The following DOK6 variants were observed in gnomAD, a reference collection of about 807,000 sequenced individuals.
DOK6 encodes docking protein 6.
A neutral mutation model predicts 44.0 loss-of-function variants in DOK6; 22 were observed. The ratio of observed to expected loss-of-function variants is 0.50; its 90% CI spans 0.36 to 0.71. The LOEUF (loss-of-function observed/expected upper bound fraction) is 0.71, where lower values mean the gene tolerates loss of function less well. DOK6 is among the 30% of genes least tolerant of loss of function. The probability of loss-of-function intolerance (pLI) is 0.00; values close to 1 mark genes in which losing one functional copy is unlikely to be tolerated. For synonymous variants in DOK6, 166 were observed against 145.5 expected (o/e 1.14, Z -1.01); for missense variants, 340 against 416.4 (o/e 0.82, Z 1.60).
chr18:69,492,405 C>CTTATT (rs1419314432), intron 1 of DOK6, among the ~76,000 whole-genome samples: 2 of 151,876 alleles, frequency 1.3e-5, no homozygotes, highest in African/African-American at 2.4e-5. Context: ...TTTATTTTAT[C>CTTATT]TTATTTTATT....
At chr18:69,537,605 A>G (rs1394491476) in intron 1 of DOK6, among the ~76,000 whole-genome samples, 1 of 152,224 alleles carries the variant, frequency 6.6e-6, no homozygotes, top group Non-Finnish European at 1.5e-5. Flanking sequence ...AGAAAGACAT[A>G]TTGAGGAGAG....
intron 7 of DOK6, among the ~76,000 whole-genome samples, chr18:69,782,438 C>T (rs1019863033): frequency 6.6e-6 from 1 of 151,984 alleles, no homozygotes; most frequent in Admixed American, 6.6e-5. Context: ...GTCTCGATCT[C>T]CTGACCTCGT....
chr18:69,811,573 TATATCA>T lies in DOK6; in HGVS notation c.857-29669_857-29664del, dbSNP rs1189887376. Among the ~76,000 whole-genome samples, 33 of 14,156 alleles carry T rather than the reference TATATCA, an allele frequency of 2.3e-3. 3 individuals carry two copies. The highest frequency in any genetic ancestry group is 0.012 in the South Asian group (4 of 344). The allele number at this position is 14,156 out of a possible 152,430, so 9.3% of individuals were successfully genotyped here. A position where few individuals can be genotyped will look rare whatever the true frequency, so the allele number is the denominator to read the frequency against. ...ATATATATATATATATATATATATA[TATATCA>T]AAACACTACGTTGTACACAATCAAT... On this transcript the variant is annotated intron_variant, in intron 7 of 7. Transcript: ENST00000382713.
chr18:69,408,289 A>G (rs977579758), intron 1 of DOK6, among the ~76,000 whole-genome samples: 1 of 152,208 alleles, frequency 6.6e-6, no homozygotes, highest in East Asian at 1.9e-4. Flanking sequence ...CTCAATGCTA[A>G]GTTATTTAGA....
At chr18:69,603,791 A>G (rs1983933003) in intron 3 of DOK6, among the ~76,000 whole-genome samples, 1 of 151,556 alleles carries the variant, frequency 6.6e-6, no homozygotes, top group Non-Finnish European at 1.5e-5. Flanking sequence ...AAAAAAAAAA[A>G]AAAAAGGACA....
intron 3 of DOK6, 129 bp downstream of exon 3, chr18:69,599,627 G>A (rs138383756): frequency 1.5e-5 from 10 of 646,886 alleles, no homozygotes; most frequent in Admixed American, 6.4e-5. Context: ...AGAAGACTTC[G>A]TTCAGAAGCT....
At chr18:69,819,998 C>T (rs1260552220) in intron 7 of DOK6, among the ~76,000 whole-genome samples, 2 of 152,116 alleles carry the variant, frequency 1.3e-5, no homozygotes, top group African/African-American at 2.4e-5. Flanking sequence ...TGTGTTGGGC[C>T]ACATTCGTAG....
intron 4 of DOK6, among the ~76,000 whole-genome samples, chr18:69,697,611 C>T (rs1986417278): frequency 6.7e-6 from 1 of 150,274 alleles, no homozygotes. Context: ...AACTTGCAAA[C>T]TAATCTTATT....
intron 1 of DOK6, among the ~76,000 whole-genome samples, chr18:69,415,616 G>T (rs1978327580): frequency 6.6e-6 from 1 of 152,116 alleles, no homozygotes; most frequent in Admixed American, 6.6e-5. Context: ...AGTGCATGCA[G>T]ATAGCCGTAT....
At chr18:69,670,447 T>C (rs754599090) in intron 3 of DOK6, among the ~76,000 whole-genome samples, 14 of 152,066 alleles carry the variant, frequency 9.2e-5, no homozygotes, top group Admixed American at 2.6e-4. Context: ...ATAGCACCTC[T>C]TCCTCAAAAA....
intron 2 of DOK6, among the ~76,000 whole-genome samples, chr18:69,568,089 T>C (rs1983029154): frequency 6.6e-6 from 1 of 152,176 alleles, no homozygotes; most frequent in South Asian, 2.1e-4. Flanking sequence ...CTTCACCGTC[T>C]CTCTGGGCAC....
At chr18:69,817,718 G>A (rs145668005) in intron 7 of DOK6, among the ~76,000 whole-genome samples, 1 of 152,160 alleles carries the variant, frequency 6.6e-6, no homozygotes, top group Non-Finnish European at 1.5e-5. Flanking sequence ...CACATTGTGA[G>A]TGAAGGCTTC....
chr18:69,561,919 TA>T (rs1044003660), intron 1 of DOK6, among the ~76,000 whole-genome samples: 9 of 152,190 alleles, frequency 5.9e-5, no homozygotes, highest in Non-Finnish European at 7.4e-5. Context: ...GCTATATTTG[TA>T]AAAAAACAAT....
rs74258305 is a variant in DOK6 at position 69,531,874 on chromosome 18, C to T, written c.67-32613C>T. ...GTTATGGACTGAGTGTATTCCCCAC[C>T]GCCATTTGTTGAAGCCCTAATCCCC... On this transcript the variant is annotated intron_variant, in intron 1 of 7. Coordinates refer to ENST00000382713, the MANE Select transcript of DOK6 (RefSeq NM_152721.6). 6.4e-4 allele frequency among the ~76,000 whole-genome samples: 97 copies of T among 152,166 alleles called. No individual in the cohort carries two copies. The East Asian group carries it at 0.013, about 20-fold the overall frequency.
intron 7 of DOK6, among the ~76,000 whole-genome samples, chr18:69,779,298 A>C (rs1300686887): frequency 1.3e-5 from 2 of 152,034 alleles, no homozygotes; most frequent in Admixed American, 6.6e-5. Context: ...ATGTGGCTAA[A>C]CGTACTTAGA....
chr18:69,749,954 A>AC (rs1979120027), intron 6 of DOK6, among the ~76,000 whole-genome samples: 5 of 148,812 alleles, frequency 3.4e-5, no homozygotes. Flanking sequence ...AAAAAAAAAA[A>AC]AGTTCTGGGT....
At chr18:69,547,551 A>G (rs2144585624) in intron 1 of DOK6, among the ~76,000 whole-genome samples, 1 of 151,626 alleles carries the variant, frequency 6.6e-6, no homozygotes, top group East Asian at 1.9e-4. Flanking sequence ...TGCGGATTAC[A>G]TTTTAACATG....
At chr18:69,550,777 C>CTTTTTTTTTTTT (rs10538639) in intron 1 of DOK6, among the ~76,000 whole-genome samples, 4 of 121,428 alleles carry the variant, frequency 3.3e-5, no homozygotes, top group Non-Finnish European at 5.1e-5. Context: ...TTGTTTCTTT[C>CTTTTTTTTTTTT]TTTTTTTTTT....
intron 2 of DOK6, among the ~76,000 whole-genome samples, chr18:69,573,416 C>CT (rs1021119304): frequency 5.3e-5 from 8 of 151,810 alleles, no homozygotes; most frequent in African/African-American, 1.9e-4. Flanking sequence ...TAAAATTTAC[C>CT]TTTTTGTGGC....
Sources: allele counts gnomAD v4.1 joint callset (sites outside exome capture counted in the v4.1 genomes callset), GRCh38; gene constraint gnomAD v4.1.1; transcripts MANE v1.5; gene names NCBI Gene and HGNC (gene_info 2026-07-23, HGNC 2026-07-21).